SH3GL2: variants seen among roughly 807,000 people sequenced by gnomAD.
The protein encoded by SH3GL2 is SH3 domain containing GRB2 like 2, endophilin A1.
Under a neutral mutation model 46.0 loss-of-function variants are expected in SH3GL2, and 24 were observed. That is an observed-to-expected ratio of 0.52 (90% CI 0.38 to 0.73). The LOEUF (loss-of-function observed/expected upper bound fraction) is 0.73. Among genes scored for constraint, SH3GL2 ranks in the 30% least tolerant of loss-of-function variants. The pLI is 0.00. For synonymous variants in SH3GL2, 196 were observed against 147.1 expected (o/e 1.33, Z -2.40); for missense variants, 413 against 424.2 (o/e 0.97, Z 0.23).
At chr9:17,680,924 G>A (rs201791073) in intron 1 of SH3GL2, among the ~76,000 whole-genome samples, 5 of 152,130 alleles carry the variant, frequency 3.3e-5, no homozygotes, top group East Asian at 1.9e-4. Flanking sequence ...TTCAGTTTCC[G>A]TGTAGTTGAG....
chr9:17,746,941 C>T (rs775606054), intron 1 of SH3GL2, 125 bp from the exon 2 acceptor site: 27 of 645,778 alleles, frequency 4.2e-5, no homozygotes, highest in Non-Finnish European at 2.4e-5. Flanking sequence ...ATGAGACTCT[C>T]CACCTAAGTC....
intron 1 of SH3GL2, among the ~76,000 whole-genome samples, chr9:17,706,692 AT>A (rs1402619652): frequency 1.3e-5 from 2 of 151,872 alleles, no homozygotes; most frequent in East Asian, 3.9e-4. Context: ...TTTGTATCTT[AT>A]TTTTTTCCTC....
intron 3 of SH3GL2, among the ~76,000 whole-genome samples, chr9:17,761,710 A>G (rs1008929762): frequency 2.6e-5 from 4 of 152,184 alleles, no homozygotes; most frequent in African/African-American, 4.8e-5. Context: ...TAACTGGAAG[A>G]TCTGTGGTAT....
intron 2 of SH3GL2, among the ~76,000 whole-genome samples, chr9:17,752,534 A>T (rs982984018): frequency 6.6e-6 from 1 of 151,544 alleles, no homozygotes; most frequent in Non-Finnish European, 1.5e-5. Context: ...GTCTCACTCT[A>T]TTGTCCAGGC....
intron 5 of SH3GL2, 61 bp from the exon 6 acceptor site, chr9:17,789,331 G>A (rs1228580913): frequency 2.2e-6 from 3 of 1,376,080 alleles, no homozygotes; most frequent in South Asian, 1.2e-5. Flanking sequence ...GGAGAAGTGA[G>A]CTCAAATAAG....
intron 1 of SH3GL2, among the ~76,000 whole-genome samples, chr9:17,630,742 A>G (rs1462736370): frequency 3.9e-5 from 6 of 152,172 alleles, no homozygotes. Flanking sequence ...TTTCCTGTTC[A>G]TTATGCAATA....
chr9:17,638,689 AGCCT>A (rs1264925710), intron 1 of SH3GL2, among the ~76,000 whole-genome samples: 1 of 152,246 alleles, frequency 6.6e-6, no homozygotes, highest in African/African-American at 2.4e-5. Flanking sequence ...CCATACCACC[AGCCT>A]CTACTGTGGT....
chr9:17,586,760 A>C (rs981086317), intron 1 of SH3GL2, among the ~76,000 whole-genome samples: 2 of 152,158 alleles, frequency 1.3e-5, no homozygotes, highest in South Asian at 2.1e-4. Context: ...AACCACCCCT[A>C]TGATTCAATT....
intron 1 of SH3GL2, among the ~76,000 whole-genome samples, chr9:17,745,278 T>C (rs1272888694): frequency 6.6e-6 from 1 of 152,314 alleles, no homozygotes; most frequent in East Asian, 1.9e-4. Flanking sequence ...CAAGGAAAAT[T>C]GCCAGCTTCT....
chr9:17,648,137 T>G (rs1819869191), intron 1 of SH3GL2, among the ~76,000 whole-genome samples: 1 of 152,232 alleles, frequency 6.6e-6, no homozygotes, highest in Admixed American at 6.5e-5. Context: ...AGTCTTCCAG[T>G]TAACAGTAGG....
intron 8 of SH3GL2, among the ~76,000 whole-genome samples, chr9:17,793,798 A>G (rs1031295376): frequency 2.6e-5 from 4 of 152,142 alleles, no homozygotes; most frequent in African/African-American, 7.2e-5. Context: ...GTGGTCGTAA[A>G]TCGCCTTTCC....
chr9:17,622,927 C>T (rs1338175585), intron 1 of SH3GL2, among the ~76,000 whole-genome samples: 2 of 151,784 alleles, frequency 1.3e-5, no homozygotes, highest in East Asian at 3.9e-4. Context: ...GAAATTATAC[C>T]TGCTCCTTCC....
chr9:17,629,094 TAGG>T (rs1037949862), intron 1 of SH3GL2, among the ~76,000 whole-genome samples: 17 of 151,938 alleles, frequency 1.1e-4, no homozygotes, highest in African/African-American at 3.9e-4. Context: ...ACCTTTATAG[TAGG>T]AGGATTGCGT....
chr9:17,647,022 A>G (rs1235603592), intron 1 of SH3GL2, among the ~76,000 whole-genome samples: 3 of 152,132 alleles, frequency 2.0e-5, no homozygotes, highest in African/African-American at 7.2e-5. Flanking sequence ...TGGGAGTTTT[A>G]TCTATAAGCC....
At chr9:17,696,302 G>T (rs1432623587) in intron 1 of SH3GL2, among the ~76,000 whole-genome samples, 2 of 151,986 alleles carry the variant, frequency 1.3e-5, no homozygotes, top group African/African-American at 4.8e-5. Context: ...ATTTATGTTT[G>T]TGCCTTGAAG....
chr9:17,776,199 C>T (rs1022186262), intron 3 of SH3GL2, among the ~76,000 whole-genome samples: 1 of 152,082 alleles, frequency 6.6e-6, no homozygotes, highest in Admixed American at 6.6e-5. Context: ...CATGTACGTT[C>T]CACAGAGTCT....
chr9:17,623,061 TCC>T (rs1819192668), intron 1 of SH3GL2, among the ~76,000 whole-genome samples: 2 of 72,100 alleles, frequency 2.8e-5, no homozygotes, highest in Admixed American at 1.5e-4. Context: ...CCCTTCCCCT[TCC>T]CCTTCCCCTT....
intron 1 of SH3GL2, among the ~76,000 whole-genome samples, chr9:17,740,211 C>G (rs184032078): frequency 2.6e-5 from 4 of 152,086 alleles, no homozygotes; most frequent in African/African-American, 9.6e-5. Context: ...CTTAAATTTC[C>G]GGATAGGAAA....
intron 1 of SH3GL2, among the ~76,000 whole-genome samples, chr9:17,741,927 G>T (rs2118499308): frequency 6.6e-6 from 1 of 152,212 alleles, no homozygotes; most frequent in Non-Finnish European, 1.5e-5. Context: ...TCATCTGGGT[G>T]GGCGTTTTTG....
Sources: gnomAD v4.1 joint callset for allele counts (sites outside exome capture counted in the v4.1 genomes callset) on GRCh38, gnomAD v4.1.1 for gene constraint, MANE v1.5 for transcripts, NCBI Gene and HGNC (gene_info 2026-07-23, HGNC 2026-07-21) for gene names.